OPRPN: variants seen among roughly 807,000 people sequenced by gnomAD.
The protein encoded by OPRPN is basic proline-rich lacrimal protein.
OPRPN carries 1 observed loss-of-function variant against 2.2 expected under a neutral mutation model. That is an observed-to-expected ratio of 0.45 (90% CI 0.16 to 2.15). The LOEUF (loss-of-function observed/expected upper bound fraction) is 2.15. Among genes scored for constraint, OPRPN ranks in the 30% most tolerant of loss-of-function variants. The pLI is 0.28. For synonymous variants in OPRPN, 126 were observed against 111.5 expected, an observed-to-expected ratio of 1.13 and a Z score of -0.82; for missense variants, 306 against 297.3, an observed-to-expected ratio of 1.03 and a Z score of -0.21.
chr4:70,400,422 T>G (rs1378943505), intron 2 of OPRPN, among the ~76,000 whole-genome samples: 1 of 151,994 alleles, frequency 6.6e-6, no homozygotes, highest in Admixed American at 6.6e-5. Flanking sequence ...TGTAATAACA[T>G]TTGTATAAAA....
rs1415146784 is a variant in OPRPN at position 70,410,017 on chromosome 4, T to C, written c.689T>C (p.Ile230Thr). 22 of 1,604,020 alleles carry C rather than the reference T, an allele frequency of 1.4e-5. No individual in the cohort carries two copies. In the South Asian group the frequency reaches 1.6e-4, roughly 11 times the overall value. The change falls in exon 3 of 3, where the codon ATA (isoleucine) becomes ACA (threonine). Residue 230 changes from isoleucine (I) to threonine (T), a missense_variant. Ile to Thr is a moderately conservative substitution (Grantham distance 89). Transcript: ENST00000399575. ...TVQVTTSNQT[I>T]LSSPAFKSFW... ...CAAGTTACGACTTCCAACCAAACTATATTAAGCAGCCCAGCCTTTAAAAGT... is the reference window on the plus strand; with the variant it reads ...CAAGTTACGACTTCCAACCAAACTACATTAAGCAGCCCAGCCTTTAAAAGT...
chr4:70,400,948 T>C (rs1012571645), intron 2 of OPRPN, among the ~76,000 whole-genome samples: 2 of 151,992 alleles, frequency 1.3e-5, no homozygotes, highest in Non-Finnish European at 2.9e-5. Context: ...ATAGAGGTTG[T>C]TGACTAGAAT....
chr4:70,408,509 G>A (rs547989291), intron 2 of OPRPN, among the ~76,000 whole-genome samples: 1 of 152,020 alleles, frequency 6.6e-6, no homozygotes, highest in East Asian at 1.9e-4. Flanking sequence ...ATTATTTCTT[G>A]AATTGCTACC....
intron 2 of OPRPN, among the ~76,000 whole-genome samples, chr4:70,400,967 G>C (rs116230741): frequency 6.6e-6 from 1 of 151,938 alleles, no homozygotes; most frequent in African/African-American, 2.4e-5. Context: ...ATACTTCTCA[G>C]AGACAATAAT....
In OPRPN at chr4:70,401,464, G is replaced by A. The variant is rs868321844; in HGVS notation, c.51+2128G>A. On this transcript the variant is annotated intron_variant, in intron 2 of 2. Coordinates refer to ENST00000399575, the MANE Select transcript of OPRPN (RefSeq NM_021225.5). ...TCTTTTATGAGATAGGGACTATCTA[G>A]GATTTAAATTAAAAATAACAGTTCA... Among the ~76,000 whole-genome samples, 8 of 152,086 alleles carry A rather than the reference G, an allele frequency of 5.3e-5. No homozygotes were observed. The South Asian group carries it at 1.7e-3, about 32-fold the overall frequency.
Position 70,403,299 on chromosome 4 carries a change from A to G in OPRPN, c.51+3963A>G, listed in dbSNP as rs116032765. 3.1e-3 allele frequency among the ~76,000 whole-genome samples: 477 copies of G among 152,286 alleles called. 4 individuals are homozygous for G. The highest frequency in any genetic ancestry group is 0.011 in the African/African-American group (450 of 41,564). ...ATATTGTAGGCTTCTGTGGGCCTGT[A>G]ATAAGTGGTCAACTTGGCTGAGGTA... On this transcript the variant is annotated intron_variant, in intron 2 of 2. Coordinates refer to ENST00000399575, the MANE Select transcript of OPRPN (RefSeq NM_021225.5).
chr4:70,403,707 C>A (rs1008154750), intron 2 of OPRPN, among the ~76,000 whole-genome samples: 1 of 152,024 alleles, frequency 6.6e-6, no homozygotes, highest in African/African-American at 2.4e-5. Flanking sequence ...ACATAACTTA[C>A]CCAAATTCAC....
intron 2 of OPRPN, among the ~76,000 whole-genome samples, chr4:70,409,174 G>A (rs1733155749): frequency 6.6e-6 from 1 of 151,806 alleles, no homozygotes; most frequent in African/African-American, 2.4e-5. Context: ...ACTTTTCTTT[G>A]ATTGCCCAGG....
intron 2 of OPRPN, among the ~76,000 whole-genome samples, chr4:70,400,598 A>G (rs1732956627): frequency 1.3e-5 from 2 of 151,772 alleles, no homozygotes; most frequent in South Asian, 4.2e-4. Context: ...ATTCTAGGAT[A>G]CTCTTACTCA....
intron 2 of OPRPN, among the ~76,000 whole-genome samples, chr4:70,400,360 G>A (rs1367309167): frequency 3.3e-5 from 5 of 151,808 alleles, no homozygotes; most frequent in Non-Finnish European, 5.9e-5. Context: ...TTTTTCTGAA[G>A]CATTTTTTGA....
Position 70,399,309 on chromosome 4 carries a change from C to T in OPRPN, c.24C>T (p.Gly8=), listed in dbSNP as rs1392599379. 1.0e-5 allele frequency: 16 copies of T among 1,602,554 alleles called. No individual in the cohort carries two copies. The highest frequency in any genetic ancestry group is 1.2e-5 in the Non-Finnish European group (14 of 1,171,340). Residue 8 remains glycine, a synonymous_variant, in exon 2 of 3, where the codon GGC becomes GGT. Transcript: ENST00000399575. MKLTFFL[G]LLALISCFTP... is the part of the protein sequence containing the mutation. ...GAATGAAATTAACTTTCTTCTTGGGCCTGTTGGCTCTTATTTCATGTTTCA... is the reference window on the plus strand; with the variant it reads ...GAATGAAATTAACTTTCTTCTTGGGTCTGTTGGCTCTTATTTCATGTTTCA...
chr4:70,402,771 A>G (rs867919460), intron 2 of OPRPN, among the ~76,000 whole-genome samples: 5 of 151,958 alleles, frequency 3.3e-5, no homozygotes, highest in African/African-American at 1.2e-4. Context: ...GAAAAAGCCA[A>G]CCATGCAAGC....
At chr4:70,405,915 A>C (rs1424482164) in intron 2 of OPRPN, among the ~76,000 whole-genome samples, 3 of 151,740 alleles carry the variant, frequency 2.0e-5, no homozygotes, top group African/African-American at 4.8e-5. Context: ...AATACAAAAA[A>C]AAAATAGCCA....
intron 2 of OPRPN, among the ~76,000 whole-genome samples, chr4:70,401,009 C>T (rs1560532312): frequency 6.6e-6 from 1 of 151,990 alleles, no homozygotes; most frequent in Non-Finnish European, 1.5e-5. Flanking sequence ...TCTCTATCTA[C>T]AACCTTCTGT....
intron 2 of OPRPN, among the ~76,000 whole-genome samples, chr4:70,407,255 C>T (rs1733109931): frequency 6.6e-6 from 1 of 152,182 alleles, no homozygotes; most frequent in Admixed American, 6.5e-5. Flanking sequence ...GCTTATTTTT[C>T]TTCTTCTGGC....
chr4:70,401,426 A>G (rs1404467369), intron 2 of OPRPN, among the ~76,000 whole-genome samples: 2 of 152,116 alleles, frequency 1.3e-5, no homozygotes, highest in Non-Finnish European at 2.9e-5. Context: ...AACTTTCAAT[A>G]TATCAGAGAT....
chr4:70,409,691 AC>A lies in OPRPN; in HGVS notation c.368del (p.Pro123HisfsTer22). On this transcript the variant is annotated frameshift_variant, in exon 3 of 3. Coordinates refer to ENST00000399575, the MANE Select transcript of OPRPN (RefSeq NM_021225.5). LOFTEE classifies it low-confidence loss of function (END_TRUNC). ...ATGTAGGACCTATTAGGATATTAAA[AC>A]CCCCATTTCCTCCTATTCCTTTTTT... ...YYVGPIRILK[P>X]PFPPIPFFLA... The A allele has an allele frequency of 1.2e-6, 2 of 1,613,182 alleles. No individual in the cohort carries two copies. The highest frequency in any genetic ancestry group is 1.7e-5 in the Admixed American group (1 of 59,942).
chr4:70,405,511 A>T (rs983008183), intron 2 of OPRPN, among the ~76,000 whole-genome samples: 1 of 152,030 alleles, frequency 6.6e-6, no homozygotes, highest in Non-Finnish European at 1.5e-5. Context: ...TCTTATTGAT[A>T]CCCAAGTTTC....
At chr4:70,406,083 G>A (rs1258432786) in intron 2 of OPRPN, among the ~76,000 whole-genome samples, 2 of 151,854 alleles carry the variant, frequency 1.3e-5, no homozygotes, top group Non-Finnish European at 2.9e-5. Context: ...AAAATGTACT[G>A]AGAACCTCCA....
Sources: allele counts gnomAD v4.1 joint callset (sites outside exome capture counted in the v4.1 genomes callset), GRCh38; gene constraint gnomAD v4.1.1; transcripts MANE v1.5; gene names NCBI Gene and HGNC (gene_info 2026-07-23, HGNC 2026-07-21).